The following CHD5 variants were observed in gnomAD, a reference collection of about 807,000 sequenced individuals.
CHD5 encodes ATP-dependent chromatin remodeler CHD5.
CHD5 carries 69 observed loss-of-function variants against 230.3 expected under a neutral mutation model. That is an observed-to-expected ratio of 0.30 (90% CI 0.25 to 0.37). CHD5 has a LOEUF of 0.37. Among genes scored for constraint, CHD5 ranks in the 10% least tolerant of loss-of-function variants. The pLI, the probability that CHD5 is intolerant of heterozygous loss-of-function variation, is 1.00. For missense variants in CHD5, 1,827 were observed against 2,622.8 expected (o/e 0.70, Z 6.63); for synonymous variants, 1,064 against 1,065.9 (o/e 1.00, Z 0.03).
At chr1:6,168,986 T>C (rs1466329105) in intron 1 of CHD5, among the ~76,000 whole-genome samples, 25 of 142,344 alleles carry the variant, frequency 1.8e-4, no homozygotes, top group Admixed American at 1.7e-3. Context: ...ACAACTGCCC[T>C]CCAGCCTGGG....
rs769945939 is a variant in CHD5 at position 6,125,113 on chromosome 1, C to T, written c.4381G>A (p.Glu1461Lys). 1.9e-6 allele frequency: 3 copies of T among 1,593,174 alleles called. No individual in the cohort carries two copies. Among genetic ancestry groups the T allele is most frequent in the Non-Finnish European group, 2.6e-6 (3 of 1,169,908 alleles). Residue 1461 changes from glutamate (E) to lysine (K), a missense_variant, in exon 29 of 42, where the codon GAG (glutamate) becomes AAG (lysine). Glu to Lys is a moderately conservative substitution (Grantham distance 56, BLOSUM62 1). Coordinates refer to ENST00000262450, the MANE Select transcript of CHD5 (RefSeq NM_015557.3). This position sits in a 1 kb window ranked among gnomAD's most constrained non-coding sequence, Gnocchi z 6.7. Reference sequence around the variant, plus strand: ...TAGCCCCTTTACCTAAACTCCTTCTCGCTCTTCCCTCGAAGGTCCCGCACC... The same window carrying T: ...TAGCCCCTTTACCTAAACTCCTTCTTGCTCTTCCCTCGAAGGTCCCGCACC... The part of the protein sequence containing the change: ...WLVRDLRGKS[E>K]KEFRAYVSLF...
At chr1:6,111,611 G>T (rs1666291175) in intron 36 of CHD5, among the ~76,000 whole-genome samples, 164 bp downstream of exon 36, 1 of 152,130 alleles carries the variant, frequency 6.6e-6, no homozygotes, top group Non-Finnish European at 1.5e-5. Flanking sequence ...GACAGCGGCG[G>T]GGAGCGGGCG....
intron 33 of CHD5, among the ~76,000 whole-genome samples, chr1:6,119,890 C>T (rs999330733): frequency 2.7e-5 from 4 of 147,480 alleles, no homozygotes; most frequent in African/African-American, 1.0e-4. Flanking sequence ...AGATTGAGTC[C>T]CTCTCTGTTG....
rs1239629315 is a variant in CHD5, at chr1:6,121,900, C to T, written c.4700-327G>A. ...CCCAGATTGGGAGCCACGACACCCG[C>T]TCTGGTCCCAGCTTTCGGGCGGGCT... On this transcript the variant is annotated intron_variant, in intron 31 of 41. Transcript: ENST00000262450. The surrounding 1 kb of genome is among the most constrained non-coding windows in gnomAD (Gnocchi z 4.5). 1.3e-5 allele frequency among the ~76,000 whole-genome samples: 2 copies of T among 152,238 alleles called. No individual in the cohort carries two copies. Among genetic ancestry groups the T allele is most frequent in the African/African-American group, 2.4e-5 (1 of 41,476 alleles).
intron 25 of CHD5, 76 bp downstream of exon 25, chr1:6,127,967 GGAA>G: frequency 7.7e-7 from 1 of 1,294,220 alleles, no homozygotes; most frequent in Non-Finnish European, 1.1e-6. Context: ...GGGTCACAGT[GGAA>G]GGCGTGGACA....
intron 2 of CHD5, among the ~76,000 whole-genome samples, chr1:6,165,498 AG>A (rs1242492159): frequency 6.6e-6 from 1 of 152,148 alleles, no homozygotes; most frequent in East Asian, 1.9e-4. Context: ...GTGCACAGGT[AG>A]GAGTCCCTGC....
At position 6,105,626 on chromosome 1, in the gene CHD5, G is replaced by C. The variant is rs1666150063; in HGVS notation, c.*47-199C>G. On this transcript the variant is annotated intron_variant, in intron 41 of 41. Coordinates refer to ENST00000262450, the MANE Select transcript of CHD5 (RefSeq NM_015557.3). This position sits in a 1 kb window ranked among gnomAD's most constrained non-coding sequence, Gnocchi z 4.8. The stretch of plus-strand genomic sequence containing the variant: ...GAGTGCCGAGAGCACCCAGGAAGCA[G>C]CAGTGGGCAGGGGCAGCCAGCCAGG... Among the ~76,000 whole-genome samples the C allele has an allele frequency of 6.6e-6, 1 of 152,238 alleles. No homozygotes were observed. The highest frequency in any genetic ancestry group is 1.5e-5 in the Non-Finnish European group (1 of 68,038).
In CHD5 at chr1:6,136,613, T is replaced by G. The variant is rs1666750069; in HGVS notation, c.2600A>C (p.Lys867Thr). 1 of 1,614,004 alleles carries G rather than the reference T, an allele frequency of 6.2e-7. No individual in the cohort carries two copies. The highest frequency in any genetic ancestry group is 8.5e-7 in the Non-Finnish European group (1 of 1,180,026). The change falls in exon 17 of 42, where the codon AAG becomes ACG. Residue 867 changes from lysine (K) to threonine (T), a missense_variant. Physicochemically the swap from Lys to Thr is moderately conservative, Grantham distance 78. Transcript: ENST00000262450. Reference sequence around the variant, plus strand: ...TGTCAGCAGCAGCTTGTAATCAATCTTGTAGCTGTTTAAGACCCTAAAAAA... The same window carrying G: ...TGTCAGCAGCAGCTTGTAATCAATCGTGTAGCTGTTTAAGACCCTAAAAAA... Reference protein sequence around the residue: ...SKFFRVLNSYKIDYKLLLTGT... With the variant: ...SKFFRVLNSYTIDYKLLLTGT...
rs1479066068 is a variant in CHD5 at position 6,124,235 on chromosome 1, C to G, written c.4540-128G>C. The stretch of plus-strand genomic sequence containing the variant: ...GCTTGGGGTAGCTGCTACCTCCGCC[C>G]AAGGCTGGCCAAGCCAGGCCCCTCC... On this transcript the variant is annotated intron_variant, in intron 30 of 41. Transcript: ENST00000262450. The G allele has an allele frequency of 3.3e-6, 3 of 908,184 alleles. No homozygotes were observed. In the Admixed American group the frequency reaches 8.2e-5, roughly 25 times the overall value. 56.3% of individuals were successfully genotyped at this position (908,184 alleles called of 1,614,324 possible).
chr1:6,157,612 C>A (rs949272378), intron 3 of CHD5, among the ~76,000 whole-genome samples: 2 of 152,154 alleles, frequency 1.3e-5, no homozygotes, highest in African/African-American at 4.8e-5. Flanking sequence ...ATCCAGGCTG[C>A]GGGAGGCCTC....
intron 25 of CHD5, among the ~76,000 whole-genome samples, chr1:6,127,488 G>C (rs376140224): frequency 7.1e-6 from 1 of 141,140 alleles, no homozygotes; most frequent in Admixed American, 7.1e-5. Flanking sequence ...TCCATTTCAA[G>C]AAAAAAAAAA....
At chr1:6,116,963 C>A (rs751595664) in intron 33 of CHD5, among the ~76,000 whole-genome samples, 10 of 152,134 alleles carry the variant, frequency 6.6e-5, no homozygotes, top group Admixed American at 1.3e-4. Context: ...GCAACAGCAT[C>A]GTGGCAGATG....
intron 2 of CHD5, among the ~76,000 whole-genome samples, chr1:6,163,746 G>A (rs553486526): frequency 5.6e-4 from 86 of 152,296 alleles, no homozygotes; most frequent in Non-Finnish European, 9.0e-4. Flanking sequence ...AGACAGAGAC[G>A]CAGACCAATA....
Position 6,142,153 on chromosome 1 carries a change from C to G in CHD5, c.2411G>C (p.Ser804Thr), listed in dbSNP as rs771140431. The change falls in exon 15 of 42, where the codon AGT (serine) becomes ACT (threonine). Residue 804 changes from serine (S) to threonine (T), a missense_variant. By Grantham distance (58) the Ser-to-Thr change is moderately conservative. Transcript: ENST00000262450. This position sits in a 1 kb window ranked among gnomAD's most constrained non-coding sequence, Gnocchi z 5.2. ...CTTCATACGGAATACCTTCTTCCCA[C>G]TCCGAATGGCGTTGTCCTCAAAGGA... ...EFSFEDNAIR[S>T]GKKVFRMKKE... 7 of 1,614,076 alleles carry G rather than the reference C, an allele frequency of 4.3e-6. No individual in the cohort carries two copies. Among genetic ancestry groups the G allele is most frequent in the Admixed American group, 3.3e-5 (2 of 60,018 alleles).
In CHD5 at chr1:6,152,591, C is replaced by T. The variant is rs972613313; in HGVS notation, c.746-55G>A. 10 of 1,608,640 alleles carry T rather than the reference C, an allele frequency of 6.2e-6. No homozygotes were observed. The East Asian group carries it at 8.9e-5, about 14-fold the overall frequency. On this transcript the variant is annotated intron_variant, in intron 5 of 41. Transcript: ENST00000262450. ...ACTGCCACCACTGACGGCCTGCTTC[C>T]TGCCATCATCTCACTGAGCTCTCGG...
At position 6,131,373 on chromosome 1, in the gene CHD5, C is replaced by A. The variant is rs955636161; in HGVS notation, c.3262+258G>T. On this transcript the variant is annotated intron_variant, in intron 21 of 41. Transcript: ENST00000262450. This position sits in a 1 kb window ranked among gnomAD's most constrained non-coding sequence, Gnocchi z 5.0. ...CCACTTGTAACTGGGGCTCACCTGG[C>A]GTCAATATTAGAGGCCCCGTCTGCG... Among the ~76,000 whole-genome samples the A allele has an allele frequency of 2.0e-5, 3 of 152,200 alleles. No homozygotes were observed. The highest frequency in any genetic ancestry group is 1.9e-4 in the East Asian group (1 of 5,192).
chr1:6,116,954 C>T (rs555182336), intron 33 of CHD5, among the ~76,000 whole-genome samples: 2 of 152,130 alleles, frequency 1.3e-5, no homozygotes, highest in Non-Finnish European at 2.9e-5. Context: ...AAATACTGGG[C>T]AACAGCATCG....
Position 6,153,481 on chromosome 1 carries a change from A to G in CHD5, c.746-945T>C, listed in dbSNP as rs949384470. 6.6e-5 allele frequency among the ~76,000 whole-genome samples: 10 copies of G among 152,152 alleles called. No individual in the cohort carries two copies. The East Asian group carries it at 1.9e-3, about 29-fold the overall frequency. On this transcript the variant is annotated intron_variant, in intron 5 of 41. Coordinates refer to ENST00000262450, the MANE Select transcript of CHD5 (RefSeq NM_015557.3). ...CCAGACACAGAACCCCAGAAACTAA[A>G]GCTCCTTGGGGCTGAAAGAAGGGAT...
chr1:6,146,764 G>C lies in CHD5; in HGVS notation c.1491C>G (p.Leu497=). 1 of 1,607,226 alleles carries C rather than the reference G, an allele frequency of 6.2e-7. No homozygotes were observed. The highest frequency in any genetic ancestry group is 2.2e-5 in the East Asian group (1 of 44,748). ...TGCCCTCCAGGGGCTTAGGTGGAGGGAGGCTGGGCTCCACGTCAGGCCCCG... is the reference window on the plus strand; with the variant it reads ...TGCCCTCCAGGGGCTTAGGTGGAGGCAGGCTGGGCTCCACGTCAGGCCCCG... ...GLPGPDVEPS[L]PPPKPLEGIP... The change falls in exon 10 of 42, where the codon CTC becomes CTG. Residue 497 remains leucine (L), a synonymous_variant. Transcript: ENST00000262450. The surrounding 1 kb of genome is among the most constrained non-coding windows in gnomAD (Gnocchi z 5.1).
Sources: allele counts gnomAD v4.1 joint callset (sites outside exome capture counted in the v4.1 genomes callset), GRCh38; gene constraint gnomAD v4.1.1; non-coding constraint Gnocchi (gnomAD v3.1); transcripts MANE v1.5; gene names NCBI Gene and HGNC (gene_info 2026-07-23, HGNC 2026-07-21).